Variants in NEO1 observed in about 807,000 individuals in gnomAD.
The protein encoded by NEO1 is neogenin.
A neutral mutation model predicts 159.7 loss-of-function variants in NEO1; 63 were observed. That is an observed-to-expected ratio of 0.39 (90% CI 0.32 to 0.49). The LOEUF (loss-of-function observed/expected upper bound fraction) is 0.49. Among genes scored for constraint, NEO1 ranks in the 20% least tolerant of loss-of-function variants. The pLI, the probability that NEO1 is intolerant of heterozygous loss-of-function variation, is 0.85. For missense variants in NEO1, 1,615 were observed against 1,831.0 expected (o/e 0.88, Z 2.15); for synonymous variants, 633 against 662.0 (o/e 0.96, Z 0.67).
At position 73,129,949 on chromosome 15, in the gene NEO1, T is replaced by C. The variant is rs137932656; in HGVS notation, c.878+3379T>C. ...AAAGGTAGAGAGAGAAAGACTGAGA[T>C]TGAGTAGCTAGGGAGCTTGAGACCC... On this transcript the variant is annotated intron_variant, in intron 4 of 28. Transcript: ENST00000261908. 1.9e-3 allele frequency among the ~76,000 whole-genome samples: 293 copies of C among 152,200 alleles called. 3 individuals carry two copies. Among genetic ancestry groups the C allele is most frequent in the African/African-American group, 6.7e-3 (280 of 41,516 alleles).
At chr15:73,286,298 C>T (rs1016281354) in intron 23 of NEO1, among the ~76,000 whole-genome samples, 2 of 152,162 alleles carry the variant, frequency 1.3e-5, no homozygotes, top group Non-Finnish European at 2.9e-5. Context: ...TTTTTCAGTT[C>T]TCATCTTAGT....
chr15:73,146,431 A>G (rs2032904014), intron 5 of NEO1, among the ~76,000 whole-genome samples: 1 of 152,180 alleles, frequency 6.6e-6, no homozygotes, highest in Non-Finnish European at 1.5e-5. Flanking sequence ...TTCACTTTAT[A>G]AACTTTATAT....
intron 5 of NEO1, among the ~76,000 whole-genome samples, chr15:73,138,998 A>G (rs2032108134): frequency 6.6e-6 from 1 of 152,162 alleles, no homozygotes; most frequent in Non-Finnish European, 1.5e-5. Context: ...GGAAAAAAAG[A>G]AAAAGCAGTG....
At chr15:73,140,331 G>A (rs912147989) in intron 5 of NEO1, among the ~76,000 whole-genome samples, 13 of 152,142 alleles carry the variant, frequency 8.5e-5, no homozygotes, top group Admixed American at 4.6e-4. Flanking sequence ...TGAGGCAGGA[G>A]GATCACTTGA....
At chr15:73,210,017 A>G (rs1383163161) in intron 7 of NEO1, among the ~76,000 whole-genome samples, 1 of 152,078 alleles carries the variant, frequency 6.6e-6, no homozygotes, top group East Asian at 1.9e-4. Context: ...AAACGAAAAA[A>G]AGTAGCCTAT....
At chr15:73,065,203 T>C (rs1284491970) in intron 1 of NEO1, among the ~76,000 whole-genome samples, 1 of 152,174 alleles carries the variant, frequency 6.6e-6, no homozygotes, top group Non-Finnish European at 1.5e-5. Context: ...CCATCAGATG[T>C]TATTTCATAC....
intron 4 of NEO1, among the ~76,000 whole-genome samples, chr15:73,132,112 G>A (rs746161727): frequency 3.9e-5 from 6 of 152,134 alleles, no homozygotes; most frequent in Non-Finnish European, 5.9e-5. Context: ...TGACAGCACT[G>A]ATTGTGTTTT....
At chr15:73,254,877 AT>A in intron 13 of NEO1, 48 bp downstream of exon 13, 3 of 1,575,350 alleles carry the variant, frequency 1.9e-6, no homozygotes, top group Non-Finnish European at 1.7e-6. Context: ...TCTTTCTCAG[AT>A]ATTGAATTAT....
intron 1 of NEO1, among the ~76,000 whole-genome samples, chr15:73,065,546 C>G (rs562989864): frequency 1.3e-5 from 2 of 152,252 alleles, no homozygotes; most frequent in East Asian, 3.9e-4. Flanking sequence ...TGAACTCTAT[C>G]TTTTCTAGTA....
At chr15:73,078,619 C>A (rs1004563156) in intron 1 of NEO1, among the ~76,000 whole-genome samples, 9 of 152,206 alleles carry the variant, frequency 5.9e-5, no homozygotes, top group African/African-American at 2.2e-4. Flanking sequence ...GGGTGTGGCA[C>A]GGGCAACCGT....
At chr15:73,267,050 A>T (rs950660605) in intron 16 of NEO1, among the ~76,000 whole-genome samples, 46 of 152,340 alleles carry the variant, frequency 3.0e-4, no homozygotes, top group African/African-American at 1.1e-3. Context: ...CGAGGTCAGG[A>T]GATCGAGACC....
chr15:73,134,504 CA>C (rs2031516019), intron 4 of NEO1, among the ~76,000 whole-genome samples: 2 of 151,422 alleles, frequency 1.3e-5, no homozygotes, highest in Admixed American at 6.6e-5. Flanking sequence ...TAAATGTGGC[CA>C]AGACTGTATA....
At chr15:73,202,929 T>C (rs1356566750) in intron 7 of NEO1, among the ~76,000 whole-genome samples, 1 of 152,218 alleles carries the variant, frequency 6.6e-6, no homozygotes, top group Non-Finnish European at 1.5e-5. Context: ...TCAAGGTACA[T>C]CCATATTGTA....
intron 1 of NEO1, among the ~76,000 whole-genome samples, chr15:73,053,009 CG>C (rs1258616465): frequency 1.4e-5 from 2 of 141,810 alleles, no homozygotes; most frequent in East Asian, 2.1e-4. Flanking sequence ...GGGCGGCTGC[CG>C]GGGGGCAGGT....
intron 5 of NEO1, among the ~76,000 whole-genome samples, chr15:73,153,097 G>A (rs1479344764): frequency 1.3e-5 from 2 of 152,180 alleles, no homozygotes; most frequent in African/African-American, 4.8e-5. Flanking sequence ...CTGAGAACCA[G>A]GAGTGCTGAG....
intron 1 of NEO1, among the ~76,000 whole-genome samples, chr15:73,104,922 C>CCAATCACCT (rs1297770506): frequency 6.6e-6 from 1 of 152,126 alleles, no homozygotes; most frequent in Non-Finnish European, 1.5e-5. Flanking sequence ...GCCCCATGAT[C>CCAATCACCT]CAATCACCTG....
chr15:73,143,517 A>T (rs1455790374), intron 5 of NEO1: 5 of 152,800 alleles, frequency 3.3e-5, no homozygotes, highest in Admixed American at 2.0e-4. Flanking sequence ...CTTCGCTCCC[A>T]GGACATCGGC....
intron 7 of NEO1, among the ~76,000 whole-genome samples, chr15:73,219,269 T>G (rs889739276): frequency 1.3e-5 from 2 of 150,444 alleles, no homozygotes; most frequent in Middle Eastern, 3.6e-3. Flanking sequence ...CTAGTTTGAT[T>G]GCACTGTGGT....
At chr15:73,108,063 C>T (rs181853969) in intron 1 of NEO1, among the ~76,000 whole-genome samples, 3 of 152,278 alleles carry the variant, frequency 2.0e-5, no homozygotes, top group South Asian at 2.1e-4. Flanking sequence ...CTTTCATGAA[C>T]GTTCTGTAAT....
Sources: allele counts gnomAD v4.1 joint callset (sites outside exome capture counted in the v4.1 genomes callset), GRCh38; gene constraint gnomAD v4.1.1; transcripts MANE v1.5; gene names NCBI Gene and HGNC (gene_info 2026-07-23, HGNC 2026-07-21).